The following NDUFAF1 variants were observed in gnomAD, a reference collection of about 807,000 sequenced individuals.
NDUFAF1 encodes the protein NADH:ubiquinone oxidoreductase complex assembly factor 1.
Under a neutral mutation model 28.7 loss-of-function variants are expected in NDUFAF1, and 18 were observed. The observed-to-expected ratio is 0.63, with a 90% CI of 0.43 to 0.93. The LOEUF (loss-of-function observed/expected upper bound fraction) is 0.93. Among genes scored for constraint, NDUFAF1 ranks in the 40% least tolerant of loss-of-function variants. The pLI is 0.00. For synonymous variants in NDUFAF1, 113 were observed against 139.7 expected (o/e 0.81, Z 1.35); for missense variants, 404 against 398.3 (o/e 1.01, Z -0.12).
chr15:41,392,597 G>A (rs190859664), intron 3 of NDUFAF1, among the ~76,000 whole-genome samples: 52 of 152,048 alleles, frequency 3.4e-4, no homozygotes, highest in African/African-American at 1.1e-3. Context: ...CCCTTCATTC[G>A]GCTCTCATTC....
rs185941868 is a variant in NDUFAF1, at chr15:41,395,431, G to A, written c.574-387C>T. On this transcript the variant is annotated intron_variant, in intron 2 of 4. Coordinates refer to ENST00000260361, the MANE Select transcript of NDUFAF1 (RefSeq NM_016013.4). The stretch of plus-strand genomic sequence containing the variant: ...GTCACCCAGGCTGGAGTGCAGTGGT[G>A]CAATCTCAGCTCACTGCAAGCTCTG... Among the ~76,000 whole-genome samples the A allele has an allele frequency of 3.6e-3, 542 of 149,472 alleles. 19 individuals are homozygous for A. Among genetic ancestry groups the A allele is most frequent in the Admixed American group, 0.032 (484 of 14,930 alleles).
At chr15:41,391,437 T>G (rs1258122171) in intron 3 of NDUFAF1, among the ~76,000 whole-genome samples, 1 of 151,622 alleles carries the variant, frequency 6.6e-6, no homozygotes, top group Non-Finnish European at 1.5e-5. Context: ...CCTGGCCAAC[T>G]TGGTGAATGA....
At chr15:41,396,452 T>C in intron 2 of NDUFAF1, 35 bp downstream of exon 2, 2 of 1,593,574 alleles carry the variant, frequency 1.3e-6, no homozygotes, top group Admixed American at 1.7e-5. Flanking sequence ...TCACCCCTGT[T>C]TACTAGAAAA....
At chr15:41,400,986 TG>T (rs1309661120) in intron 1 of NDUFAF1, among the ~76,000 whole-genome samples, 25 of 151,164 alleles carry the variant, frequency 1.7e-4, no homozygotes, top group African/African-American at 6.1e-4. Flanking sequence ...TTTTTTTTTT[TG>T]AGACGGAGTC....
chr15:41,394,716 C>G, intron 3 of NDUFAF1, 143 bp downstream of exon 3: 2 of 669,708 alleles, frequency 3.0e-6, no homozygotes, highest in Non-Finnish European at 5.0e-6. Context: ...CTAGGTTTCA[C>G]CATGTTGGCC....
chr15:41,388,566 T>A, intron 3 of NDUFAF1, 44 bp from the exon 4 acceptor site: 1 of 1,200,890 alleles, frequency 8.3e-7, no homozygotes, highest in South Asian at 1.2e-5. Flanking sequence ...ATGTAAGCAA[T>A]TGAGGCATCT....
chr15:41,388,324 T>C, intron 4 of NDUFAF1, 124 bp downstream of exon 4: 1 of 774,222 alleles, frequency 1.3e-6, no homozygotes, highest in South Asian at 1.6e-5. Context: ...TGGCTGGGTA[T>C]AAGAGCAGTG....
intron 3 of NDUFAF1, among the ~76,000 whole-genome samples, chr15:41,393,207 C>A (rs1352286370): frequency 6.6e-6 from 1 of 150,538 alleles, no homozygotes; most frequent in Non-Finnish European, 1.5e-5. Flanking sequence ...TTACTGCAAC[C>A]TCCACCTCCC....
Position 41,396,687 on chromosome 15 carries a change from A to G in NDUFAF1, c.373T>C (p.Trp125Arg). 6.2e-7 allele frequency: 1 copy of G among 1,614,168 alleles called. No individual in the cohort carries two copies. Among genetic ancestry groups the G allele is most frequent in the Non-Finnish European group, 8.5e-7 (1 of 1,180,042 alleles). Residue 125 changes from tryptophan (W) to arginine (R), a missense_variant, in exon 2 of 5, where the codon TGG becomes CGG. Coordinates refer to ENST00000260361, the MANE Select transcript of NDUFAF1 (RefSeq NM_016013.4). ...AAATCTTCTTTCCCCCGGAATTGCC[A>G]GACAACCTTGGCTTGTTCCAGCAAG... Reference protein sequence around the residue: ...EVLLEQAKVVWQFRGKEDLDK... With the variant: ...EVLLEQAKVVRQFRGKEDLDK...
chr15:41,395,531 G>A (rs1037743019), intron 2 of NDUFAF1, among the ~76,000 whole-genome samples: 16 of 150,082 alleles, frequency 1.1e-4, no homozygotes, highest in Middle Eastern at 3.5e-3. Context: ...AACCACACCC[G>A]GCTAATTTTT....
chr15:41,390,186 C>T (rs532348877), intron 3 of NDUFAF1, among the ~76,000 whole-genome samples: 51 of 152,156 alleles, frequency 3.4e-4, no homozygotes, highest in African/African-American at 1.1e-3. Context: ...TTGTCTTAGA[C>T]TCCTAGCTTC....
chr15:41,391,349 G>A (rs1394606051), intron 3 of NDUFAF1, among the ~76,000 whole-genome samples: 3 of 152,000 alleles, frequency 2.0e-5, no homozygotes, highest in Non-Finnish European at 2.9e-5. Context: ...GCCAGGTGTG[G>A]TGGCTCAAAC....
At chr15:41,389,927 T>G (rs1220700019) in intron 3 of NDUFAF1, among the ~76,000 whole-genome samples, 1 of 152,120 alleles carries the variant, frequency 6.6e-6, no homozygotes, top group Non-Finnish European at 1.5e-5. Context: ...ACAATCTAAA[T>G]CTACATGTAC....
At chr15:41,394,295 A>T in intron 3 of NDUFAF1, 1 of 1,210,624 alleles carries the variant, frequency 8.3e-7, no homozygotes, top group African/African-American at 1.6e-5. Flanking sequence ...TGGCCTCCCA[A>T]AGTGCTGGGA....
At chr15:41,391,314 T>A (rs1203777644) in intron 3 of NDUFAF1, among the ~76,000 whole-genome samples, 1 of 152,002 alleles carries the variant, frequency 6.6e-6, no homozygotes, top group African/African-American at 2.4e-5. Context: ...AGATCTCTGC[T>A]CTCACAGAAT....
At chr15:41,388,868 T>C (rs745969471) in intron 3 of NDUFAF1, among the ~76,000 whole-genome samples, 7 of 151,788 alleles carry the variant, frequency 4.6e-5, no homozygotes, top group Admixed American at 1.3e-4. Flanking sequence ...GCCTGGGCGA[T>C]AGAGCTAGAT....
At position 41,388,679 on chromosome 15, in the gene NDUFAF1, G is replaced by A. The variant is rs2050280577; in HGVS notation, c.760-157C>T. ...CCATTTGGATCAAAGATATAACTCA[G>A]GCCAAACGATAAAGGGTTAACTATG... On this transcript the variant is annotated intron_variant, in intron 3 of 4. Coordinates refer to ENST00000260361, the MANE Select transcript of NDUFAF1 (RefSeq NM_016013.4). Among the ~76,000 whole-genome samples, 4 of 151,570 alleles carry A rather than the reference G, an allele frequency of 2.6e-5. No homozygotes were observed. The South Asian group carries it at 8.3e-4, about 32-fold the overall frequency.
chr15:41,396,374 A>C (rs1295715998), intron 2 of NDUFAF1, 113 bp downstream of exon 2: 2 of 1,045,848 alleles, frequency 1.9e-6, no homozygotes, highest in Non-Finnish European at 2.8e-6. Context: ...GGTGCCAAAT[A>C]TAACATGCCA....
rs1353881197 is a variant in NDUFAF1 at position 41,396,871 on chromosome 15, G to T, written c.189C>A (p.His63Gln). The change falls in exon 2 of 5, where the codon CAC (histidine) becomes CAA (glutamine). Residue 63 changes from histidine to glutamine, a missense_variant. Coordinates refer to ENST00000260361, the MANE Select transcript of NDUFAF1 (RefSeq NM_016013.4). ...RKTEGDLQGD[H>Q]QKEVALDITS... ...TTATATCCAAAGCAACTTCTTTCTG[G>T]TGATCTCCTTGCAAATCCCCTTCAG... 3 of 1,614,088 alleles carry T rather than the reference G, an allele frequency of 1.9e-6. No individual in the cohort carries two copies. The highest frequency in any genetic ancestry group is 2.5e-6 in the Non-Finnish European group (3 of 1,180,026).
Sources: allele counts gnomAD v4.1 joint callset (sites outside exome capture counted in the v4.1 genomes callset), GRCh38; gene constraint gnomAD v4.1.1; transcripts MANE v1.5; gene names NCBI Gene and HGNC (gene_info 2026-07-23, HGNC 2026-07-21).